Variants in CNTNAP5 observed in about 807,000 individuals in gnomAD.
CNTNAP5 encodes contactin associated protein family member 5.
CNTNAP5 carries 72 observed loss-of-function variants against 150.2 expected under a neutral mutation model. The observed-to-expected ratio is 0.48, with a 90% CI of 0.40 to 0.58. The LOEUF is 0.58. Among genes scored for constraint, CNTNAP5 ranks in the 20% least tolerant of loss-of-function variants. The pLI is 0.00. For missense variants in CNTNAP5, 1,636 were observed against 1,626.2 expected, an observed-to-expected ratio of 1.01 and a Z score of -0.10; for synonymous variants, 672 against 619.8, an observed-to-expected ratio of 1.08 and a Z score of -1.25.
chr2:124,184,999 T>C (rs1027324379), intron 1 of CNTNAP5, among the ~76,000 whole-genome samples: 2 of 152,206 alleles, frequency 1.3e-5, no homozygotes, highest in African/African-American at 2.4e-5. Flanking sequence ...GTTTGTATAA[T>C]GATTTGAACT....
rs909607588 is a variant in CNTNAP5 at position 124,855,010 on chromosome 2, G to C, written c.3218-10296G>C. The stretch of plus-strand genomic sequence containing the variant: ...AACAAAAACATAACAATGTGCAGAG[G>C]CAAGGAAAAGCATTTGGAGGGATAC... On this transcript the variant is annotated intron_variant, in intron 19 of 23. Coordinates refer to ENST00000682447, the MANE Select transcript of CNTNAP5 (RefSeq NM_001367498.1). Among the ~76,000 whole-genome samples, 6 of 152,036 alleles carry C rather than the reference G, an allele frequency of 3.9e-5. No individual in the cohort carries two copies. The East Asian group carries it at 1.2e-3, about 29-fold the overall frequency.
At chr2:124,902,000 A>G (rs189452258) in intron 21 of CNTNAP5, among the ~76,000 whole-genome samples, 1 of 152,174 alleles carries the variant, frequency 6.6e-6, no homozygotes, top group Non-Finnish European at 1.5e-5. Context: ...ACTGCCTTTC[A>G]GAAAACAAAC....
chr2:124,438,435 G>T (rs1692590239), intron 5 of CNTNAP5, among the ~76,000 whole-genome samples: 2 of 152,116 alleles, frequency 1.3e-5, no homozygotes, highest in South Asian at 4.1e-4. Flanking sequence ...AATAGTACAT[G>T]CAGGTCAATC....
intron 3 of CNTNAP5, among the ~76,000 whole-genome samples, chr2:124,300,869 G>T (rs1361341499): frequency 6.6e-6 from 1 of 152,120 alleles, no homozygotes; most frequent in Non-Finnish European, 1.5e-5. Context: ...CTTTCACCTT[G>T]AAACACTGAA....
intron 3 of CNTNAP5, among the ~76,000 whole-genome samples, chr2:124,270,236 G>A (rs1241826585): frequency 6.6e-6 from 1 of 152,028 alleles, no homozygotes; most frequent in Non-Finnish European, 1.5e-5. Context: ...TTGAACCTGG[G>A]AGACGGTGGT....
intron 21 of CNTNAP5, among the ~76,000 whole-genome samples, chr2:124,901,341 G>C (rs1448823528): frequency 1.3e-5 from 2 of 151,518 alleles, no homozygotes; most frequent in East Asian, 1.9e-4. Flanking sequence ...ATTTGAAACA[G>C]GAAGATAATC....
intron 1 of CNTNAP5, among the ~76,000 whole-genome samples, chr2:124,047,026 C>T (rs1681556901): frequency 6.6e-6 from 1 of 152,082 alleles, no homozygotes; most frequent in African/African-American, 2.4e-5. Flanking sequence ...TCAAATGATC[C>T]ATCTTAAGTA....
intron 13 of CNTNAP5, among the ~76,000 whole-genome samples, chr2:124,722,522 G>A (rs934507016): frequency 2.6e-5 from 4 of 152,144 alleles, no homozygotes; most frequent in Non-Finnish European, 1.5e-5. Context: ...TAGATTTTAA[G>A]GCTCCAGACT....
chr2:124,683,179 T>C (rs1383547998), intron 13 of CNTNAP5, among the ~76,000 whole-genome samples: 2 of 152,222 alleles, frequency 1.3e-5, no homozygotes, highest in Non-Finnish European at 2.9e-5. Flanking sequence ...ATCTCAGCTG[T>C]TGGGGGAGCC....
At chr2:124,316,814 AAAAAAAAAAAAAAAGAAAAAG>A (rs1688974483) in intron 3 of CNTNAP5, among the ~76,000 whole-genome samples, 1 of 149,508 alleles carries the variant, frequency 6.7e-6, no homozygotes, top group Non-Finnish European at 1.5e-5. Flanking sequence ...CAAAAAAAAA[AAAAAAAAAAAAAAAGAAAAAG>A]AAAAAAAAGA....
intron 1 of CNTNAP5, among the ~76,000 whole-genome samples, chr2:124,124,049 T>C (rs1428191842): frequency 6.6e-6 from 1 of 152,082 alleles, no homozygotes; most frequent in East Asian, 1.9e-4. Flanking sequence ...CAAAGCTGGA[T>C]GGAGAATGAT....
intron 4 of CNTNAP5, among the ~76,000 whole-genome samples, chr2:124,432,260 C>T (rs1428788959): frequency 1.8e-4 from 28 of 152,140 alleles, no homozygotes; most frequent in Non-Finnish European, 1.5e-5. Flanking sequence ...TGGTATGTCT[C>T]AGCTTGCAAG....
chr2:124,102,243 C>T lies in CNTNAP5; in HGVS notation c.82+76511C>T, dbSNP rs546122196. Among the ~76,000 whole-genome samples, 3 of 152,276 alleles carry T rather than the reference C, an allele frequency of 2.0e-5. No homozygotes were observed. In the South Asian group the frequency reaches 6.2e-4, roughly 32 times the overall value. On this transcript the variant is annotated intron_variant, in intron 1 of 23. Coordinates refer to ENST00000682447, the MANE Select transcript of CNTNAP5 (RefSeq NM_001367498.1). ...CTGGCACAGGAACTAATCCAAGTCC[C>T]TGGGGCCACTTTTCAAAGAAAGAAA...
intron 3 of CNTNAP5, among the ~76,000 whole-genome samples, chr2:124,383,652 T>A (rs1690857895): frequency 6.6e-6 from 1 of 152,210 alleles, no homozygotes; most frequent in Admixed American, 6.5e-5. Context: ...TCTATTTCTT[T>A]ACTAGCAAAA....
intron 16 of CNTNAP5, among the ~76,000 whole-genome samples, chr2:124,771,822 C>A (rs1033509559): frequency 1.3e-5 from 2 of 151,332 alleles, no homozygotes; most frequent in Non-Finnish European, 2.9e-5. Flanking sequence ...CCATCACCAC[C>A]ACTGCCACCA....
chr2:124,896,356 T>C, intron 21 of CNTNAP5, among the ~76,000 whole-genome samples: 1 of 151,500 alleles, frequency 6.6e-6, no homozygotes, highest in East Asian at 1.9e-4. Context: ...TTTCATTCAC[T>C]AATTTATTTT....
chr2:124,292,444 AAT>A, intron 3 of CNTNAP5, among the ~76,000 whole-genome samples: 1 of 152,202 alleles, frequency 6.6e-6, no homozygotes, highest in Non-Finnish European at 1.5e-5. Context: ...TACAAAATTT[AAT>A]TTTAAAAACC....
At chr2:124,414,102 C>A (rs1227343251) in intron 3 of CNTNAP5, among the ~76,000 whole-genome samples, 2 of 145,936 alleles carry the variant, frequency 1.4e-5, no homozygotes, top group African/African-American at 5.0e-5. Context: ...GTTTTACTTT[C>A]AGTATTTTTG....
At chr2:124,639,751 C>T (rs975338567) in intron 12 of CNTNAP5, among the ~76,000 whole-genome samples, 1 of 152,144 alleles carries the variant, frequency 6.6e-6, no homozygotes, top group Non-Finnish European at 1.5e-5. Context: ...AAAATAGTTT[C>T]TATGACCATG....
Sources: gnomAD v4.1 joint callset for allele counts (sites outside exome capture counted in the v4.1 genomes callset) on GRCh38, gnomAD v4.1.1 for gene constraint, MANE v1.5 for transcripts, NCBI Gene and HGNC (gene_info 2026-07-23, HGNC 2026-07-21) for gene names.